Variants in WWOX observed in about 807,000 individuals in gnomAD.
The protein encoded by WWOX is WW domain-containing oxidoreductase.
In WWOX, 69 loss-of-function variants were observed where a neutral mutation model predicts 46.2. The ratio of observed to expected loss-of-function variants is 1.49; its 90% CI spans 1.23 to 1.82. WWOX has a LOEUF of 1.82. WWOX is among the 40% of genes most tolerant of loss of function. The pLI is 0.00. For synonymous variants in WWOX, 359 were observed against 202.6 expected (o/e 1.77, Z -6.56); for missense variants, 919 against 542.6 (o/e 1.69, Z -6.89).
chr16:78,659,313 C>T (rs72794730), intron 8 of WWOX, among the ~76,000 whole-genome samples: 117 of 152,116 alleles, frequency 7.7e-4, no homozygotes, highest in Admixed American at 1.5e-3. Context: ...AGTTGCACAG[C>T]CTGAGCTCCT....
At chr16:78,825,577 C>T in intron 8 of WWOX, 1 of 533,700 alleles carries the variant, frequency 1.9e-6, no homozygotes, top group Non-Finnish European at 3.8e-6. Flanking sequence ...GTGCCATTGC[C>T]CAGGTCGAGT....
At chr16:79,154,188 G>A (rs1435112485) in intron 8 of WWOX, among the ~76,000 whole-genome samples, 2 of 152,110 alleles carry the variant, frequency 1.3e-5, no homozygotes, top group African/African-American at 4.8e-5. Flanking sequence ...ACTACAGATC[G>A]ACACCCACTA....
At chr16:78,719,837 A>T (rs930108616) in intron 8 of WWOX, among the ~76,000 whole-genome samples, 1 of 152,210 alleles carries the variant, frequency 6.6e-6, no homozygotes, top group African/African-American at 2.4e-5. Flanking sequence ...AAACAAATAC[A>T]TGACGGGAAA....
intron 5 of WWOX, among the ~76,000 whole-genome samples, chr16:78,209,066 G>T (rs1165099091): frequency 6.6e-6 from 1 of 152,156 alleles, no homozygotes; most frequent in Non-Finnish European, 1.5e-5. Flanking sequence ...ATATTTATGT[G>T]TAATGTCTAT....
intron 5 of WWOX, among the ~76,000 whole-genome samples, chr16:78,250,010 C>G (rs1028692053): frequency 9.2e-5 from 14 of 152,358 alleles, no homozygotes; most frequent in African/African-American, 3.1e-4. Flanking sequence ...TTCAAACCCA[C>G]TCCAGACCTG....
chr16:78,359,881 G>C (rs545336990), intron 5 of WWOX, among the ~76,000 whole-genome samples: 1 of 152,196 alleles, frequency 6.6e-6, no homozygotes. Context: ...GCAAAAACAT[G>C]AGGAATGAAT....
chr16:78,674,639 C>G (rs1441990234), intron 8 of WWOX, among the ~76,000 whole-genome samples: 1 of 152,138 alleles, frequency 6.6e-6, no homozygotes, highest in East Asian at 1.9e-4. Context: ...TTCCACACTT[C>G]TGGCCACCTG....
chr16:78,630,490 T>C (rs2046402287), intron 8 of WWOX, among the ~76,000 whole-genome samples: 1 of 152,170 alleles, frequency 6.6e-6, no homozygotes, highest in South Asian at 2.1e-4. Flanking sequence ...ATAAAAACTG[T>C]GGACACTGAG....
intron 8 of WWOX, among the ~76,000 whole-genome samples, chr16:78,777,882 A>G (rs1258364983): frequency 6.6e-6 from 1 of 151,854 alleles, no homozygotes; most frequent in Non-Finnish European, 1.5e-5. Context: ...CTGTCTGTAC[A>G]AAAAATATAA....
chr16:78,990,628 T>C (rs890401220), intron 8 of WWOX, among the ~76,000 whole-genome samples: 1 of 150,338 alleles, frequency 6.7e-6, no homozygotes, highest in African/African-American at 2.5e-5. Context: ...CAGGCCAGAA[T>C]GTGATAAAGT....
intron 8 of WWOX, among the ~76,000 whole-genome samples, chr16:78,757,317 TTACCACC>T (rs897557684): frequency 3.6e-5 from 5 of 138,384 alleles, no homozygotes; most frequent in African/African-American, 1.2e-4. Context: ...TGTTACTTTC[TTACCACC>T]TACCCCAGCA....
chr16:78,373,144 G>A (rs779484797), intron 5 of WWOX, among the ~76,000 whole-genome samples: 23 of 152,038 alleles, frequency 1.5e-4, no homozygotes, highest in Admixed American at 2.0e-4. Flanking sequence ...TAAAAGCAGC[G>A]TGGAGCAGCC....
chr16:78,583,469 CT>C (rs2045114564), intron 8 of WWOX, among the ~76,000 whole-genome samples: 1 of 152,034 alleles, frequency 6.6e-6, no homozygotes, highest in South Asian at 2.1e-4. Flanking sequence ...AAGAAGAATT[CT>C]TTTTCTCTTT....
intron 8 of WWOX, among the ~76,000 whole-genome samples, chr16:78,805,420 C>T (rs1261460062): frequency 6.0e-5 from 7 of 117,446 alleles, no homozygotes; most frequent in African/African-American, 1.9e-4. Flanking sequence ...GCCACCTCGC[C>T]TGGCTAATTT....
Position 78,500,485 on chromosome 16 carries a change from C to T in WWOX, c.1056+67733C>T, listed in dbSNP as rs758056439. Among the ~76,000 whole-genome samples the T allele has an allele frequency of 4.6e-5, 7 of 151,784 alleles. No homozygotes were observed. In the South Asian group the frequency reaches 8.3e-4, roughly 18 times the overall value. On this transcript the variant is annotated intron_variant, in intron 8 of 8. Coordinates refer to ENST00000566780, the MANE Select transcript of WWOX (RefSeq NM_016373.4). Reference sequence around the variant, plus strand: ...TTTTTTTTAGATCGCTGCATGCTGCCGCGTTGGGTTAACCATGGTAGCATT... The same window carrying T: ...TTTTTTTTAGATCGCTGCATGCTGCTGCGTTGGGTTAACCATGGTAGCATT...
intron 8 of WWOX, among the ~76,000 whole-genome samples, chr16:78,994,766 T>C (rs1057050105): frequency 3.9e-5 from 6 of 152,120 alleles, no homozygotes; most frequent in South Asian, 2.1e-4. Flanking sequence ...AGAAGGACTT[T>C]CTTTGGAGCG....
chr16:79,155,789 GT>G (rs1243819888), intron 8 of WWOX, among the ~76,000 whole-genome samples: 7 of 151,508 alleles, frequency 4.6e-5, no homozygotes, highest in South Asian at 2.1e-4. Context: ...AAAAGCCAGA[GT>G]TTTTTTTTCC....
intron 8 of WWOX, among the ~76,000 whole-genome samples, chr16:78,693,500 T>G (rs911651086): frequency 1.3e-5 from 2 of 152,194 alleles, no homozygotes; most frequent in African/African-American, 4.8e-5. Flanking sequence ...ATAATACAAA[T>G]ATAATAGAAA....
intron 8 of WWOX, among the ~76,000 whole-genome samples, chr16:79,015,533 TGGAG>T (rs969799458): frequency 2.0e-5 from 3 of 152,134 alleles, no homozygotes; most frequent in African/African-American, 7.2e-5. Context: ...AGTCACTTCC[TGGAG>T]GGAAGCCACC....
Sources: gnomAD v4.1 joint callset for allele counts (sites outside exome capture counted in the v4.1 genomes callset) on GRCh38, gnomAD v4.1.1 for gene constraint, MANE v1.5 for transcripts, NCBI Gene and HGNC (gene_info 2026-07-23, HGNC 2026-07-21) for gene names.